The following MAGI2 variants were observed in gnomAD, a reference collection of about 807,000 sequenced individuals.
The protein encoded by MAGI2 is membrane-associated guanylate kinase, WW and PDZ domain-containing protein 2.
MAGI2 carries 35 observed loss-of-function variants against 133.3 expected under a neutral mutation model. The ratio of observed to expected loss-of-function variants is 0.26; its 90% CI spans 0.20 to 0.35. The LOEUF is 0.35. Ranked by LOEUF, MAGI2 falls within the 10% of genes least tolerant of loss-of-function variation. MAGI2 has a pLI of 1.00. For synonymous variants in MAGI2, 729 were observed against 710.6 expected (o/e 1.03, Z -0.41); for missense variants, 1,636 against 1,863.4 (o/e 0.88, Z 2.25).
At chr7:79,381,838 A>G (rs1276937461) in intron 1 of MAGI2, among the ~76,000 whole-genome samples, 1 of 151,830 alleles carries the variant, frequency 6.6e-6, no homozygotes, top group Admixed American at 6.6e-5. Context: ...TTGCAAATAT[A>G]TCATTGTATT....
At chr7:78,796,355 T>C (rs1281805232) in intron 2 of MAGI2, among the ~76,000 whole-genome samples, 1 of 152,042 alleles carries the variant, frequency 6.6e-6, no homozygotes, top group Non-Finnish European at 1.5e-5. Flanking sequence ...AAAAGAGACA[T>C]ACAAATGGCC....
At chr7:79,339,258 C>G (rs1840707771) in intron 1 of MAGI2, among the ~76,000 whole-genome samples, 1 of 151,988 alleles carries the variant, frequency 6.6e-6, no homozygotes, top group African/African-American at 2.4e-5. Flanking sequence ...TATTTAGTAA[C>G]AGTGTATGAT....
intron 10 of MAGI2, among the ~76,000 whole-genome samples, chr7:78,237,421 TG>T (rs1790666640): frequency 6.6e-6 from 1 of 152,168 alleles, no homozygotes. Flanking sequence ...AAAGAGGGAC[TG>T]TAGTTTAAAA....
intron 2 of MAGI2, among the ~76,000 whole-genome samples, chr7:78,834,979 A>T (rs1162795865): frequency 6.6e-6 from 1 of 152,174 alleles, no homozygotes. Context: ...AGATGCCAGC[A>T]CCATGCTTGT....
chr7:78,747,263 T>C (rs1275766123), intron 2 of MAGI2, among the ~76,000 whole-genome samples: 1 of 152,160 alleles, frequency 6.6e-6, no homozygotes, highest in African/African-American at 2.4e-5. Flanking sequence ...TATATAGTGA[T>C]CCCATAAGGC....
intron 6 of MAGI2, among the ~76,000 whole-genome samples, chr7:78,382,432 C>CA (rs914233630): frequency 4.6e-5 from 7 of 151,770 alleles, no homozygotes; most frequent in Non-Finnish European, 1.0e-4. Context: ...GCTAACCAGT[C>CA]AAAAAAATTA....
intron 1 of MAGI2, among the ~76,000 whole-genome samples, chr7:79,163,070 T>C (rs943564127): frequency 2.6e-5 from 4 of 152,122 alleles, no homozygotes; most frequent in Non-Finnish European, 5.9e-5. Flanking sequence ...TGACTTCTCC[T>C]GTGACAAAAC....
chr7:78,499,653 A>T (rs1017814706), intron 5 of MAGI2, among the ~76,000 whole-genome samples: 1 of 151,898 alleles, frequency 6.6e-6, no homozygotes, highest in Admixed American at 6.6e-5. Context: ...ACACACAAAA[A>T]AGGTTTTTAT....
intron 2 of MAGI2, among the ~76,000 whole-genome samples, chr7:78,887,338 G>A (rs1487822560): frequency 6.6e-6 from 1 of 152,138 alleles, no homozygotes; most frequent in African/African-American, 2.4e-5. Flanking sequence ...TCTTCAAAAT[G>A]TGGTAGTTTC....
chr7:78,992,014 T>C (rs375437741), intron 2 of MAGI2, among the ~76,000 whole-genome samples: 1 of 152,068 alleles, frequency 6.6e-6, no homozygotes, highest in East Asian at 1.9e-4. Context: ...AAGAACTATA[T>C]TTGTATTTTT....
intron 6 of MAGI2, among the ~76,000 whole-genome samples, chr7:78,469,827 T>C (rs1791009299): frequency 6.6e-6 from 1 of 152,130 alleles, no homozygotes; most frequent in South Asian, 2.1e-4. Flanking sequence ...CCCTCATCTT[T>C]CCTGTAATCA....
chr7:78,109,681 G>T (rs531527752), intron 20 of MAGI2, among the ~76,000 whole-genome samples: 1 of 152,258 alleles, frequency 6.6e-6, no homozygotes, highest in South Asian at 2.1e-4. Context: ...ATCTTATCCT[G>T]CAAGCAAAGG....
intron 2 of MAGI2, among the ~76,000 whole-genome samples, chr7:78,817,954 A>C (rs914279631): frequency 6.6e-6 from 1 of 152,096 alleles, no homozygotes; most frequent in African/African-American, 2.4e-5. Flanking sequence ...ATATTGGGAA[A>C]CCAAAAAAAT....
intron 21 of MAGI2, among the ~76,000 whole-genome samples, chr7:78,057,317 G>A (rs916680516): frequency 5.3e-5 from 8 of 152,068 alleles, no homozygotes; most frequent in Non-Finnish European, 1.2e-4. Flanking sequence ...ATCTCCACTC[G>A]CTACAACCTC....
At chr7:79,320,001 A>C (rs562462389) in intron 1 of MAGI2, among the ~76,000 whole-genome samples, 1 of 152,160 alleles carries the variant, frequency 6.6e-6, no homozygotes, top group East Asian at 1.9e-4. Flanking sequence ...TGCATAGGTT[A>C]AGTAACAGAA....
At chr7:79,328,797 T>G (rs796794183) in intron 1 of MAGI2, among the ~76,000 whole-genome samples, 22 of 152,326 alleles carry the variant, frequency 1.4e-4, no homozygotes, top group African/African-American at 5.1e-4. Flanking sequence ...CTCTCTATTT[T>G]TCTTGTGCTT....
intron 1 of MAGI2, among the ~76,000 whole-genome samples, chr7:79,366,116 C>T (rs1842695447): frequency 6.6e-6 from 1 of 151,618 alleles, no homozygotes; most frequent in Non-Finnish European, 1.5e-5. Context: ...GTGGTGAGAG[C>T]CTGTGGTCCC....
intron 1 of MAGI2, among the ~76,000 whole-genome samples, chr7:79,267,323 A>G (rs1205329922): frequency 1.3e-5 from 2 of 152,152 alleles, no homozygotes; most frequent in African/African-American, 4.8e-5. Flanking sequence ...CAAAGCCTTC[A>G]GGCAACTTAG....
intron 6 of MAGI2, among the ~76,000 whole-genome samples, chr7:78,397,399 C>CACACA (rs1362282579): frequency 4.9e-5 from 5 of 101,418 alleles, no homozygotes; most frequent in Admixed American, 1.1e-4. Context: ...ACACACACAC[C>CACACA]CCTTGTCTTA....
Sources: gnomAD v4.1 joint callset for allele counts (sites outside exome capture counted in the v4.1 genomes callset) on GRCh38, gnomAD v4.1.1 for gene constraint, MANE v1.5 for transcripts, NCBI Gene and HGNC (gene_info 2026-07-23, HGNC 2026-07-21) for gene names.